SMARCA4: variants seen among roughly 807,000 people sequenced by gnomAD.
The protein encoded by SMARCA4 is SWI/SNF related BAF chromatin remodeling complex subunit ATPase 4, also known as SWI/SNF-related matrix-associated actin-dependent regulator of chromatin subfamily A member 4.
Under a neutral mutation model 193.9 loss-of-function variants are expected in SMARCA4, and 31 were observed. That is an observed-to-expected ratio of 0.16 (90% CI 0.12 to 0.22). SMARCA4 has a LOEUF of 0.22. SMARCA4 is among the 10% of genes least tolerant of loss of function. The pLI, the probability that SMARCA4 is intolerant of heterozygous loss-of-function variation, is 1.00. For missense variants in SMARCA4, 1,148 were observed against 2,296.0 expected (o/e 0.50, Z 10.22); for synonymous variants, 942 against 933.1 (o/e 1.01, Z -0.17).
At chr19:11,060,976 C>CT (rs2076830344) in intron 34 of SMARCA4, among the ~76,000 whole-genome samples, 1 of 152,054 alleles carries the variant, frequency 6.6e-6, no homozygotes, top group African/African-American at 2.4e-5. Flanking sequence ...GATGCTGTCT[C>CT]TCTTGCCTAA....
rs1279310975 is a variant in SMARCA4 at position 11,021,829 on chromosome 19, G to A, written c.2721G>A (p.Leu907=). 1 of 1,613,618 alleles carries A rather than the reference G, an allele frequency of 6.2e-7. No individual in the cohort carries two copies. The highest frequency in any genetic ancestry group is 1.3e-5 in the African/African-American group (1 of 74,956). ...LNTHYVAPRR[L]LLTGTPLQNK... is the part of the protein sequence containing the mutation. ...CGCACTATGTGGCACCCCGCCGCCT[G>A]CTGCTGACGGGCACACCGCTGCAGA... Residue 907 remains leucine (L), a synonymous_variant, in exon 19 of 35, where the codon CTG becomes CTA. Coordinates refer to ENST00000344626, the MANE Select transcript of SMARCA4 (RefSeq NM_003072.5).
chr19:11,031,052 G>A lies in SMARCA4; in HGVS notation c.3546+159G>A. 1.4e-6 allele frequency: 1 copy of A among 709,480 alleles called. No individual in the cohort carries two copies. Among genetic ancestry groups the A allele is most frequent in the Non-Finnish European group, 2.5e-6 (1 of 401,302 alleles). The allele number at this position is 709,480 out of a possible 1,614,324, so 43.9% of individuals were successfully genotyped here. ...ACCCATATCTCCATAGGTCATCAGG[G>A]AGAAAAGAGGCGGGGTCCTCCTGTT... On this transcript the variant is annotated intron_variant, in intron 25 of 34. Coordinates refer to ENST00000344626, the MANE Select transcript of SMARCA4 (RefSeq NM_003072.5). The surrounding 1 kb of genome is among the most constrained non-coding windows in gnomAD (Gnocchi z 4.3).
chr19:10,980,153 T>A (rs1568410514), intron 1 of SMARCA4, among the ~76,000 whole-genome samples: 1 of 152,152 alleles, frequency 6.6e-6, no homozygotes, highest in African/African-American at 2.4e-5. Flanking sequence ...TCCCCTTTAC[T>A]GTCACTCTGC....
intron 34 of SMARCA4, among the ~76,000 whole-genome samples, chr19:11,061,205 ATATATATATATATATAT>A (rs2076868747): frequency 1.0e-4 from 4 of 38,508 alleles, no homozygotes; most frequent in African/African-American, 6.3e-4. Context: ...AAAAAAAAAA[ATATATATATATATATAT>A]ATATATATAT....
At chr19:11,040,088 C>T (rs2075507259) in intron 29 of SMARCA4, 1 of 151,080 alleles carries the variant, frequency 6.6e-6, no homozygotes, top group African/African-American at 2.4e-5. Flanking sequence ...TCAACAACAA[C>T]AAAAAAGAAA....
intron 24 of SMARCA4, among the ~76,000 whole-genome samples, chr19:11,028,821 G>A (rs1039287993): frequency 2.6e-5 from 4 of 152,130 alleles, no homozygotes; most frequent in African/African-American, 7.2e-5. Flanking sequence ...CTGGGCTTAC[G>A]AGAAACACGA....
In SMARCA4 at chr19:10,975,066, G is replaced by A. The variant is rs573602810; in HGVS notation, c.-31-9055G>A. Among the ~76,000 whole-genome samples, 35 of 137,440 alleles carry A rather than the reference G, an allele frequency of 2.5e-4. No homozygotes were observed. In the South Asian group the frequency reaches 2.6e-3, roughly 10 times the overall value. The allele number at this position is 137,440 out of a possible 152,430, so 90.2% of individuals were successfully genotyped here. A position where few individuals can be genotyped will look rare whatever the true frequency, so the allele number is the denominator to read the frequency against. ...AGACAGGGTCTCTGTCGCTCAGGAT[G>A]GAGTGCAGTGGCGTGATCTTGGCTC... On this transcript the variant is annotated intron_variant, in intron 1 of 34. Coordinates refer to ENST00000344626, the MANE Select transcript of SMARCA4 (RefSeq NM_003072.5).
intron 16 of SMARCA4, among the ~76,000 whole-genome samples, chr19:11,015,627 C>A (rs757048451): frequency 6.6e-6 from 1 of 152,174 alleles, no homozygotes; most frequent in Non-Finnish European, 1.5e-5. Context: ...TATCTCATTT[C>A]TCTTCCTACT....
intron 20 of SMARCA4, 116 bp downstream of exon 20, chr19:11,023,747 G>A (rs2090040642): frequency 2.7e-6 from 2 of 730,480 alleles, no homozygotes; most frequent in Admixed American, 4.0e-5. Flanking sequence ...GGTCAATCCA[G>A]CTTGGGGGTG....
intron 30 of SMARCA4, among the ~76,000 whole-genome samples, chr19:11,055,326 A>G (rs192866410): frequency 9.9e-5 from 15 of 152,180 alleles, no homozygotes; most frequent in Admixed American, 9.2e-4. Flanking sequence ...AGTAGCTGGG[A>G]TTGCAGGTGC....
intron 1 of SMARCA4, among the ~76,000 whole-genome samples, chr19:10,967,535 C>A (rs2084321229): frequency 6.6e-6 from 1 of 151,330 alleles, no homozygotes; most frequent in Admixed American, 6.6e-5. Flanking sequence ...TGGTCTTGAT[C>A]TCCTGACCTC....
intron 24 of SMARCA4, among the ~76,000 whole-genome samples, chr19:11,029,967 C>T (rs542112431): frequency 5.9e-5 from 9 of 152,306 alleles, no homozygotes; most frequent in African/African-American, 2.2e-4. Context: ...TGAGTCACCG[C>T]GCCCGGCCTG....
intron 1 of SMARCA4, among the ~76,000 whole-genome samples, chr19:10,981,395 T>C (rs933877725): frequency 6.6e-6 from 1 of 152,252 alleles, no homozygotes; most frequent in Non-Finnish European, 1.5e-5. Flanking sequence ...TTCAGACTGT[T>C]GTCACATGGC....
At chr19:11,060,879 C>T (rs1286310012) in intron 34 of SMARCA4, among the ~76,000 whole-genome samples, 2 of 152,102 alleles carry the variant, frequency 1.3e-5, no homozygotes, top group African/African-American at 2.4e-5. Flanking sequence ...ATTAGTCTGA[C>T]GAAAGACGCA....
chr19:11,051,201 C>T (rs189582489), intron 30 of SMARCA4, among the ~76,000 whole-genome samples: 4 of 152,338 alleles, frequency 2.6e-5, no homozygotes, highest in Admixed American at 1.3e-4. Context: ...CAAGTCTCCC[C>T]CTCAGTGATA....
At position 10,987,023 on chromosome 19, in the gene SMARCA4, G is replaced by C. The variant is rs2145799264; in HGVS notation, c.859+20G>C. The C allele has an allele frequency of 1.9e-6, 3 of 1,564,068 alleles. No homozygotes were observed. The highest frequency in any genetic ancestry group is 2.6e-6 in the Non-Finnish European group (3 of 1,145,518). On this transcript the variant is annotated intron_variant, in intron 5 of 34. Coordinates refer to ENST00000344626, the MANE Select transcript of SMARCA4 (RefSeq NM_003072.5). This position sits in a 1 kb window ranked among gnomAD's most constrained non-coding sequence, Gnocchi z 5.3. ...CTGAAGGTGAGCTCCCTCTTCTATGGTGGTGCACCCGTGCCCTTACTCCCC... is the reference window on the plus strand; with the variant it reads ...CTGAAGGTGAGCTCCCTCTTCTATGCTGGTGCACCCGTGCCCTTACTCCCC...
At chr19:11,060,279 C>T (rs1277217494) in intron 34 of SMARCA4, 92 bp downstream of exon 34, 24 of 1,440,378 alleles carry the variant, frequency 1.7e-5, no homozygotes, top group South Asian at 1.5e-4. Flanking sequence ...GGTGCTCCCA[C>T]GCCCCCACGC....
At chr19:10,994,535 G>A (rs2086850604) in intron 8 of SMARCA4, among the ~76,000 whole-genome samples, 1 of 150,944 alleles carries the variant, frequency 6.6e-6, no homozygotes, top group Non-Finnish European at 1.5e-5. Context: ...TTTTACCATG[G>A]TCTCGATCTC....
chr19:11,027,976 C>T, intron 24 of SMARCA4, 26 bp downstream of exon 24: 1 of 1,612,558 alleles, frequency 6.2e-7, no homozygotes, highest in South Asian at 1.1e-5. Context: ...TGAGGCGTTT[C>T]TTACAGGGTT....
Sources: gnomAD v4.1 joint callset for allele counts (sites outside exome capture counted in the v4.1 genomes callset) on GRCh38, gnomAD v4.1.1 for gene constraint, Gnocchi (gnomAD v3.1) non-coding constraint, MANE v1.5 for transcripts, NCBI Gene and HGNC (gene_info 2026-07-23, HGNC 2026-07-21) for gene names.